The following MGAT1 variants were observed in gnomAD, a reference collection of about 807,000 sequenced individuals.
The protein encoded by MGAT1 is alpha-1,3-mannosyl-glycoprotein 2-beta-N-acetylglucosaminyltransferase.
In MGAT1, 14 loss-of-function variants were observed where a neutral mutation model predicts 31.7. The ratio of observed to expected loss-of-function variants is 0.44; its 90% CI spans 0.29 to 0.69. The LOEUF (loss-of-function observed/expected upper bound fraction) is 0.69, where lower values mean the gene tolerates loss of function less well. Among genes scored for constraint, MGAT1 ranks in the 30% least tolerant of loss-of-function variants. The pLI is 0.12. For missense variants in MGAT1, 557 were observed against 626.0 expected (o/e 0.89, Z 1.18); for synonymous variants, 338 against 276.0 (o/e 1.22, Z -2.23).
Position 180,791,463 on chromosome 5 carries a change from C to A in MGAT1, c.*171G>T, listed in dbSNP as rs1389179865. 7.5e-6 allele frequency: 6 copies of A among 797,776 alleles called. No homozygotes were observed. Among genetic ancestry groups the A allele is most frequent in the African/African-American group, 7.0e-5 (4 of 57,340 alleles). The allele number at this position is 797,776 out of a possible 1,614,324, so 49.4% of individuals were successfully genotyped here. A position where few individuals can be genotyped will look rare whatever the true frequency, so the allele number is the denominator to read the frequency against. ...TCCCCTGATCTGACTCCCTTGAGAA[C>A]GGGAGAATAATCCTCTTGTTATCAT... On this transcript the variant is annotated 3_prime_UTR_variant, in exon 2 of 2. Transcript: ENST00000307826.
At chr5:180,794,993 T>A (rs933941150) in intron 1 of MGAT1, among the ~76,000 whole-genome samples, 1 of 152,184 alleles carries the variant, frequency 6.6e-6, no homozygotes, top group Non-Finnish European at 1.5e-5. Flanking sequence ...GGAATAATAT[T>A]CAGCAATAAA....
rs1458968331 is a variant in MGAT1, at chr5:180,792,617, G to T, written c.355C>A (p.Arg119=). ...TGCAGCAGCTTGTCCAGGCAGCGCC[G>T]AACAGTGCTGCGGTCACAGGCGATG... ...LVIACDRSTV[R]RCLDKLLHYR... The change falls in exon 2 of 2, where the codon CGG becomes AGG. Residue 119 remains arginine, a synonymous_variant. Coordinates refer to ENST00000307826, the MANE Select transcript of MGAT1 (RefSeq NM_002406.4). 2 of 1,605,214 alleles carry T rather than the reference G, an allele frequency of 1.2e-6. No homozygotes were observed. Among genetic ancestry groups the T allele is most frequent in the South Asian group, 1.1e-5 (1 of 90,024 alleles).
At chr5:180,796,932 C>A (rs966895445) in intron 1 of MGAT1, among the ~76,000 whole-genome samples, 3 of 152,292 alleles carry the variant, frequency 2.0e-5, no homozygotes, top group Non-Finnish European at 4.4e-5. Context: ...TTCTTCTTCG[C>A]TCTCCCCTCA....
chr5:180,804,387 T>A (rs1030401941), upstream of MGAT1, among the ~76,000 whole-genome samples: 1 of 152,196 alleles, frequency 6.6e-6, no homozygotes. Flanking sequence ...GGCGCTGCCG[T>A]GAAGCCTCCG....
At chr5:180,808,157 T>C (rs575503515) in intron 2 of MGAT1, among the ~76,000 whole-genome samples, 13 of 152,214 alleles carry the variant, frequency 8.5e-5, no homozygotes, top group Non-Finnish European at 1.8e-4. Flanking sequence ...CGAGCTTTCA[T>C]GGGCTAAGCT....
chr5:180,789,905 C>A lies in MGAT1; in HGVS notation c.*1729G>T, dbSNP rs909275454. The A allele has an allele frequency of 1.6e-4, 24 of 152,192 alleles. No homozygotes were observed. The highest frequency in any genetic ancestry group is 5.1e-4 in the African/African-American group (21 of 41,452). 9.4% of individuals were successfully genotyped at this position (152,192 alleles called of 1,614,324 possible). ...TCAGCCTCCCAAAGTGCTGGGATTA[C>A]ATGTGTAAGCCACTGCGCCCGGCCG... On this transcript the variant is annotated 3_prime_UTR_variant, in exon 2 of 2. Coordinates refer to ENST00000307826, the MANE Select transcript of MGAT1 (RefSeq NM_002406.4).
At chr5:180,793,717 G>A (rs569452198) in intron 1 of MGAT1, among the ~76,000 whole-genome samples, 1 of 152,244 alleles carries the variant, frequency 6.6e-6, no homozygotes, top group East Asian at 1.9e-4. Flanking sequence ...AACTGAGCAA[G>A]GAAGTGTAAT....
chr5:180,808,711 T>G (rs1383398524), exon 2 of MGAT1: 1 of 152,238 alleles, frequency 6.6e-6, no homozygotes, highest in African/African-American at 2.4e-5. Flanking sequence ...CACTCCATTT[T>G]CAAAACTGAG....
intron 1 of MGAT1, among the ~76,000 whole-genome samples, chr5:180,794,748 T>TC (rs1768983691): frequency 6.6e-6 from 1 of 152,132 alleles, no homozygotes; most frequent in Non-Finnish European, 1.5e-5. Context: ...CAGGGGCAGA[T>TC]CCTTCCTAAC....
At chr5:180,813,435 A>G (rs138939229) in intron 1 of MGAT1, among the ~76,000 whole-genome samples, 297 of 152,196 alleles carry the variant, frequency 2.0e-3, no homozygotes, top group Non-Finnish European at 2.2e-3. Context: ...GCCCTTTGTT[A>G]CCTATGTTAC....
In MGAT1 at chr5:180,789,653, A is replaced by T. The variant is rs901044263; in HGVS notation, c.*1981T>A. 2 of 143,624 alleles carry T rather than the reference A, an allele frequency of 1.4e-5. No homozygotes were observed. The highest frequency in any genetic ancestry group is 3.0e-5 in the Non-Finnish European group (2 of 65,630). The allele number at this position is 143,624 out of a possible 1,614,324, so 8.9% of individuals were successfully genotyped here. ...AAAGCGTTTTGTTTTTCCGAGACAG[A>T]GTCTTGCTCTGTCGCCCAGGCTGGA... On this transcript the variant is annotated 3_prime_UTR_variant, in exon 2 of 2. Transcript: ENST00000307826.
upstream of MGAT1, chr5:180,803,382 T>G (rs994595650): frequency 1.3e-5 from 2 of 151,960 alleles, no homozygotes; most frequent in Admixed American, 6.5e-5. Context: ...CAGTTCTGAG[T>G]AAAGAAAGCG....
chr5:180,805,521 G>A (rs1228349770), upstream of MGAT1, among the ~76,000 whole-genome samples: 1 of 152,182 alleles, frequency 6.6e-6, no homozygotes, highest in Admixed American at 6.5e-5. Flanking sequence ...GGAGACCAAC[G>A]CAGGCGGATC....
At chr5:180,800,390 C>T (rs1016805340) in intron 1 of MGAT1, among the ~76,000 whole-genome samples, 6 of 152,220 alleles carry the variant, frequency 3.9e-5, no homozygotes, top group South Asian at 2.1e-4. Flanking sequence ...GAGGAGATGA[C>T]GTGTCTCTGC....
chr5:180,812,321 ACAGAT>A (rs1158198322), intron 1 of MGAT1, among the ~76,000 whole-genome samples: 1 of 152,216 alleles, frequency 6.6e-6, no homozygotes, highest in Non-Finnish European at 1.5e-5. Context: ...AGCACAGTAT[ACAGAT>A]TTTGCATTAT....
rs115788442 is a variant in MGAT1 at position 180,788,005 on chromosome 5, C to T, written c.*3629G>A. 790 of 154,992 alleles carry T rather than the reference C, an allele frequency of 5.1e-3. 4 individuals are homozygous for T. The highest frequency in any genetic ancestry group is 0.018 in the African/African-American group (750 of 41,212). 9.6% of individuals were successfully genotyped at this position (154,992 alleles called of 1,614,324 possible). The stretch of plus-strand genomic sequence containing the variant: ...GAGCAGGAGTGGCAGGAGGTGGTCA[C>T]AGCTGGAGGCAGAAGCAGGAATGCA... On this transcript the variant is annotated 3_prime_UTR_variant, in exon 2 of 2. Transcript: ENST00000307826.
upstream of MGAT1, among the ~76,000 whole-genome samples, chr5:180,806,430 G>C (rs894647615): frequency 1.3e-5 from 2 of 152,204 alleles, no homozygotes; most frequent in Non-Finnish European, 2.9e-5. Context: ...TCATGGAAGG[G>C]TCAGGTGCAG....
chr5:180,803,881 G>C (rs747609046), upstream of MGAT1: 1 of 152,380 alleles, frequency 6.6e-6, no homozygotes, highest in African/African-American at 2.4e-5. Flanking sequence ...ACTTCCCCAA[G>C]AAGGGCTGCT....
At chr5:180,811,647 T>G (rs1300849599) in intron 1 of MGAT1, among the ~76,000 whole-genome samples, 2 of 142,442 alleles carry the variant, frequency 1.4e-5, no homozygotes, top group Admixed American at 1.4e-4. Flanking sequence ...CCTGAACACC[T>G]AGGTCTCCCT....
Sources: allele counts gnomAD v4.1 joint callset (sites outside exome capture counted in the v4.1 genomes callset), GRCh38; gene constraint gnomAD v4.1.1; transcripts MANE v1.5; gene names NCBI Gene and HGNC (gene_info 2026-07-23, HGNC 2026-07-21).